The following METTL15 variants were observed in gnomAD, a reference collection of about 807,000 sequenced individuals.
The protein encoded by METTL15 is methyltransferase 15, mitochondrial 12S rRNA N4-cytidine, also known as 12S rRNA N(4)-cytidine methyltransferase METTL15.
METTL15 carries 34 observed loss-of-function variants against 38.3 expected under a neutral mutation model. That is an observed-to-expected ratio of 0.89 (90% CI 0.68 to 1.18). The LOEUF is 1.18. METTL15 is among the 50% of genes most tolerant of loss of function. The pLI is 0.00. For missense variants in METTL15, 438 were observed against 498.4 expected (o/e 0.88, Z 1.15); for synonymous variants, 162 against 170.9 (o/e 0.95, Z 0.41).
intron 6 of METTL15, among the ~76,000 whole-genome samples, chr11:28,494,448 G>A (rs952701885): frequency 7.2e-5 from 11 of 152,052 alleles, no homozygotes; most frequent in African/African-American, 2.4e-4. Flanking sequence ...GTAGGTGCTG[G>A]GGTCATATGG....
intron 3 of METTL15, among the ~76,000 whole-genome samples, chr11:28,134,796 A>C (rs1012801975): frequency 2.6e-5 from 4 of 152,238 alleles, no homozygotes; most frequent in Non-Finnish European, 5.9e-5. Context: ...AGGACTGCTC[A>C]AAAATCCCAA....
intron 6 of METTL15, among the ~76,000 whole-genome samples, chr11:28,506,864 C>T (rs1416627768): frequency 1.3e-5 from 2 of 151,446 alleles, no homozygotes; most frequent in Middle Eastern, 3.2e-3. Context: ...CCCACCTCAG[C>T]CTCTCAAGTA....
chr11:28,282,130 T>C (rs774096770), intron 4 of METTL15, among the ~76,000 whole-genome samples: 4 of 152,204 alleles, frequency 2.6e-5, no homozygotes, highest in Non-Finnish European at 4.4e-5. Context: ...ATATACACAT[T>C]ATCTTCTTAC....
intron 3 of METTL15, among the ~76,000 whole-genome samples, chr11:28,195,562 TTTC>T (rs1211870626): frequency 5.9e-5 from 9 of 152,124 alleles, no homozygotes; most frequent in African/African-American, 2.2e-4. Flanking sequence ...ATGGGATTGT[TTTC>T]TTCTTGCTCA....
At chr11:28,518,283 T>G (rs548448081) in intron 6 of METTL15, among the ~76,000 whole-genome samples, 2 of 152,298 alleles carry the variant, frequency 1.3e-5, no homozygotes, top group South Asian at 4.1e-4. Context: ...GAAAGACTTT[T>G]GGGAAGGAAC....
At chr11:28,154,232 T>C (rs757513148) in intron 3 of METTL15, among the ~76,000 whole-genome samples, 1 of 152,152 alleles carries the variant, frequency 6.6e-6, no homozygotes, top group Admixed American at 6.6e-5. Flanking sequence ...GTTCTTTCTC[T>C]TTCTTGTTAC....
intron 3 of METTL15, among the ~76,000 whole-genome samples, chr11:28,204,719 C>T (rs1475574829): frequency 1.3e-5 from 2 of 151,898 alleles, no homozygotes; most frequent in Admixed American, 6.6e-5. Flanking sequence ...AATGACATCT[C>T]CTTCATGATT....
At position 28,262,574 on chromosome 11, in the gene METTL15, C is replaced by A. The variant is rs531614016; in HGVS notation, c.408-27632C>A. ...TTTGAATTCACAGAGATGACATTTT[C>A]AGGACTGAGATGTAATAGAAATTCA... On this transcript the variant is annotated intron_variant, in intron 4 of 6. Transcript: ENST00000407364. Among the ~76,000 whole-genome samples the A allele has an allele frequency of 4.6e-5, 7 of 152,132 alleles. No individual in the cohort carries two copies. The South Asian group carries it at 1.5e-3, about 32-fold the overall frequency.
chr11:28,443,248 T>C (rs1244618052), intron 6 of METTL15, among the ~76,000 whole-genome samples: 1 of 151,874 alleles, frequency 6.6e-6, no homozygotes, highest in South Asian at 2.1e-4. Flanking sequence ...ATTCCCTTTG[T>C]GATTCCATAC....
intron 6 of METTL15, among the ~76,000 whole-genome samples, chr11:28,478,385 A>G (rs1851365319): frequency 6.6e-6 from 1 of 152,106 alleles, no homozygotes; most frequent in Admixed American, 6.5e-5. Context: ...AAATTAGACA[A>G]TTTTCACCCC....
intron 3 of METTL15, among the ~76,000 whole-genome samples, chr11:28,138,102 G>T (rs1392491861): frequency 6.9e-6 from 1 of 145,190 alleles, no homozygotes; most frequent in Admixed American, 6.7e-5. Context: ...GGAGTTCCAT[G>T]TGGAAAACAA....
chr11:28,173,038 A>T (rs1850915488), intron 3 of METTL15, among the ~76,000 whole-genome samples: 2 of 152,222 alleles, frequency 1.3e-5, no homozygotes, highest in South Asian at 4.1e-4. Flanking sequence ...TTTGATAGTA[A>T]CTGATGAAAA....
intron 3 of METTL15, among the ~76,000 whole-genome samples, chr11:28,207,536 T>G (rs1278963210): frequency 5.9e-5 from 9 of 152,240 alleles, no homozygotes; most frequent in Non-Finnish European, 1.2e-4. Flanking sequence ...GATTTTTGCA[T>G]CAGGGTTCAT....
chr11:28,485,842 T>G (rs4923542), intron 6 of METTL15, among the ~76,000 whole-genome samples: 61,457 of 151,926 alleles, frequency 0.4, 13,172 homozygotes, highest in African/African-American at 0.55. Flanking sequence ...CAGAGAGGGC[T>G]CTTTCTGGCT....
intron 6 of METTL15, among the ~76,000 whole-genome samples, chr11:28,432,657 AAAT>A (rs1229993445): frequency 2.0e-5 from 3 of 152,232 alleles, no homozygotes; most frequent in African/African-American, 7.2e-5. Context: ...TGTAAAATGG[AAAT>A]AATAATATCG....
At chr11:28,472,482 T>A (rs376711743) in intron 6 of METTL15, among the ~76,000 whole-genome samples, 157 of 152,268 alleles carry the variant, frequency 1.0e-3, no homozygotes, top group African/African-American at 3.5e-3. Flanking sequence ...GGGGTACTTC[T>A]AAAGTAGATT....
intron 4 of METTL15, among the ~76,000 whole-genome samples, chr11:28,213,677 A>G (rs1363195836): frequency 1.4e-5 from 2 of 144,502 alleles, no homozygotes; most frequent in African/African-American, 5.1e-5. Flanking sequence ...TTTTTTTGAG[A>G]CGGAGTCTAG....
At chr11:28,183,478 A>T (rs1372028282) in intron 3 of METTL15, among the ~76,000 whole-genome samples, 5 of 152,020 alleles carry the variant, frequency 3.3e-5, no homozygotes, top group African/African-American at 9.7e-5. Flanking sequence ...AGGCTGTTGA[A>T]TTTTGTTGAA....
intron 6 of METTL15, among the ~76,000 whole-genome samples, chr11:28,435,518 A>G (rs961131629): frequency 1.3e-5 from 2 of 152,118 alleles, no homozygotes; most frequent in Admixed American, 6.5e-5. Flanking sequence ...GGCTCTTGGC[A>G]TGTCTCTTCC....
Sources: allele counts gnomAD v4.1 joint callset (sites outside exome capture counted in the v4.1 genomes callset), GRCh38; gene constraint gnomAD v4.1.1; transcripts MANE v1.5; gene names NCBI Gene and HGNC (gene_info 2026-07-23, HGNC 2026-07-21).